The following FHIT variants were observed in gnomAD, a reference collection of about 807,000 sequenced individuals.
FHIT encodes bis(5'-adenosyl)-triphosphatase.
FHIT carries 19 observed loss-of-function variants against 17.9 expected under a neutral mutation model. That is an observed-to-expected ratio of 1.06 (90% confidence interval 0.74 to 1.56). The LOEUF (loss-of-function observed/expected upper bound fraction) is 1.56, where lower values mean the gene tolerates loss of function less well. FHIT is among the 40% of genes most tolerant of loss of function. The pLI is 0.00. For synonymous variants in FHIT, 81 were observed against 69.7 expected (o/e 1.16, Z -0.81); for missense variants, 248 against 189.2 (o/e 1.31, Z -1.82).
chr3:60,105,032 C>T (rs1704348646), intron 5 of FHIT, among the ~76,000 whole-genome samples: 1 of 152,164 alleles, frequency 6.6e-6, no homozygotes, highest in Non-Finnish European at 1.5e-5. Flanking sequence ...TGTGCTTCAA[C>T]CTTTGGCTGG....
At chr3:61,055,874 T>G (rs7609667) in intron 2 of FHIT, among the ~76,000 whole-genome samples, 90,535 of 152,016 alleles carry the variant, frequency 0.6, 28,271 homozygotes, top group Non-Finnish European at 0.7. Context: ...GTGTATATAT[T>G]TATGGGTTGC....
At chr3:61,085,062 T>A (rs770525343) in intron 2 of FHIT, among the ~76,000 whole-genome samples, 1 of 152,188 alleles carries the variant, frequency 6.6e-6, no homozygotes, top group Non-Finnish European at 1.5e-5. Context: ...AATTGATAGA[T>A]ACCTAGATTG....
At chr3:59,902,803 T>C (rs997573371) in intron 8 of FHIT, among the ~76,000 whole-genome samples, 1 of 151,930 alleles carries the variant, frequency 6.6e-6, no homozygotes, top group Non-Finnish European at 1.5e-5. Flanking sequence ...ATGGGGGAAA[T>C]GGGAATAATC....
At chr3:60,436,869 G>A (rs892954467) in intron 5 of FHIT, among the ~76,000 whole-genome samples, 6 of 152,014 alleles carry the variant, frequency 3.9e-5, no homozygotes, top group Admixed American at 2.0e-4. Context: ...TTTACCTAAT[G>A]TCTAGGAAAA....
intron 3 of FHIT, among the ~76,000 whole-genome samples, chr3:60,904,664 G>A (rs1221864642): frequency 1.3e-5 from 2 of 152,062 alleles, no homozygotes; most frequent in African/African-American, 4.8e-5. Flanking sequence ...TTCTTGGCCA[G>A]GCGCAGTGGC....
intron 5 of FHIT, among the ~76,000 whole-genome samples, chr3:60,031,715 T>C (rs771954249): frequency 3.3e-5 from 5 of 152,144 alleles, no homozygotes; most frequent in Non-Finnish European, 5.9e-5. Context: ...TGCAAAATTA[T>C]CAACAGGTAA....
intron 7 of FHIT, among the ~76,000 whole-genome samples, chr3:59,979,405 G>A (rs1708552550): frequency 6.6e-6 from 1 of 152,112 alleles, no homozygotes; most frequent in Admixed American, 6.6e-5. Context: ...AAGATTCAGG[G>A]AAAACAAGAT....
chr3:60,608,519 C>A (rs2038681062), intron 4 of FHIT, among the ~76,000 whole-genome samples: 1 of 152,138 alleles, frequency 6.6e-6, no homozygotes, highest in South Asian at 2.1e-4. Flanking sequence ...TACATGGGTG[C>A]AGAAGGTCCA....
At chr3:61,248,065 C>G (rs900001719) in intron 1 of FHIT, among the ~76,000 whole-genome samples, 2 of 152,294 alleles carry the variant, frequency 1.3e-5, no homozygotes, top group South Asian at 4.1e-4. Context: ...AGAGACAACC[C>G]CTTGGAGAAT....
chr3:60,206,112 G>A (rs1455733805), intron 5 of FHIT, among the ~76,000 whole-genome samples: 5 of 139,564 alleles, frequency 3.6e-5, no homozygotes, highest in East Asian at 2.0e-4. Flanking sequence ...CAGCCTGGGC[G>A]ACACAGCGAG....
intron 5 of FHIT, among the ~76,000 whole-genome samples, chr3:60,500,572 C>T (rs1249837356): frequency 6.6e-6 from 1 of 151,604 alleles, no homozygotes; most frequent in Non-Finnish European, 1.5e-5. Flanking sequence ...GAGTTTGAGA[C>T]CAGCCTGGTC....
At chr3:60,230,754 A>T (rs1704455814) in intron 5 of FHIT, among the ~76,000 whole-genome samples, 1 of 152,222 alleles carries the variant, frequency 6.6e-6, no homozygotes, top group African/African-American at 2.4e-5. Flanking sequence ...CTGTCTGCTC[A>T]GGATGGATTG....
chr3:60,900,879 G>A (rs1410548257), intron 3 of FHIT, among the ~76,000 whole-genome samples: 1 of 152,168 alleles, frequency 6.6e-6, no homozygotes, highest in African/African-American at 2.4e-5. Flanking sequence ...CTGGGTTCAA[G>A]TGATTCCCTT....
chr3:60,485,520 G>A (rs991520434), intron 5 of FHIT, among the ~76,000 whole-genome samples: 2 of 152,086 alleles, frequency 1.3e-5, no homozygotes, highest in African/African-American at 4.8e-5. Flanking sequence ...GGAAGAAGCT[G>A]GAAGCCATCA....
chr3:59,802,536 A>AC (rs1320865913), intron 8 of FHIT, among the ~76,000 whole-genome samples: 1 of 151,508 alleles, frequency 6.6e-6, no homozygotes, highest in Non-Finnish European at 1.5e-5. Flanking sequence ...GCACCTTGTG[A>AC]CCCCCGCCCC....
chr3:60,029,897 C>CTGTGTGTGTCTGTGTGTGTGTG lies in FHIT; in HGVS notation c.104-15746_104-15745insCACACACACACAGACACACACA, dbSNP rs1354637337. Among the ~76,000 whole-genome samples the CTGTGTGTGTCTGTGTGTGTGTG allele has an allele frequency of 9.5e-4, 121 of 127,904 alleles. 1 individual carries two copies. Among genetic ancestry groups the CTGTGTGTGTCTGTGTGTGTGTG allele is most frequent in the African/African-American group, 3.5e-3 (106 of 30,158 alleles). The allele number at this position is 127,904 out of a possible 152,430, so 83.9% of individuals were successfully genotyped here. On this transcript the variant is annotated intron_variant, in intron 5 of 9. Coordinates refer to ENST00000492590, the MANE Select transcript of FHIT (RefSeq NM_002012.4). ...AGAAGCATTGTGTGTGTGTGTGTGT[C>CTGTGTGTGTCTGTGTGTGTGTG]TGTGTGTGTGTGTGTGTGTGTGTGT...
intron 2 of FHIT, among the ~76,000 whole-genome samples, chr3:61,052,089 T>G (rs903147704): frequency 3.3e-5 from 5 of 152,226 alleles, no homozygotes; most frequent in African/African-American, 1.2e-4. Context: ...CCACTGAATT[T>G]TGTTTCCCAA....
chr3:60,750,809 C>T (rs1177339350), intron 4 of FHIT, among the ~76,000 whole-genome samples: 1 of 152,220 alleles, frequency 6.6e-6, no homozygotes, highest in Non-Finnish European at 1.5e-5. Context: ...ATGGTTCCTG[C>T]TTATTCCTCT....
intron 3 of FHIT, among the ~76,000 whole-genome samples, chr3:60,873,299 T>C (rs957526775): frequency 1.3e-5 from 2 of 152,210 alleles, no homozygotes; most frequent in African/African-American, 2.4e-5. Flanking sequence ...TGAGTGCTTT[T>C]TCTGATAACC....
Sources: gnomAD v4.1 joint callset for allele counts (sites outside exome capture counted in the v4.1 genomes callset) on GRCh38, gnomAD v4.1.1 for gene constraint, MANE v1.5 for transcripts, NCBI Gene and HGNC (gene_info 2026-07-23, HGNC 2026-07-21) for gene names.